The following LRRFIP2 variants were observed in gnomAD, a reference collection of about 807,000 sequenced individuals.
The protein encoded by LRRFIP2 is leucine-rich repeat flightless-interacting protein 2.
In LRRFIP2, 109 loss-of-function variants were observed where a neutral mutation model predicts 125.9. The observed-to-expected ratio is 0.87, with a 90% CI of 0.74 to 1.01. LRRFIP2 has a LOEUF of 1.01. LRRFIP2 is among the 50% of genes least tolerant of loss of function. The pLI, the probability that LRRFIP2 is intolerant of heterozygous loss-of-function variation, is 0.00. For synonymous variants in LRRFIP2, 291 were observed against 293.1 expected, an observed-to-expected ratio of 0.99 and a Z score of 0.07; for missense variants, 850 against 862.3, an observed-to-expected ratio of 0.99 and a Z score of 0.18.
At chr3:37,079,822 C>A (rs2092466223) in intron 19 of LRRFIP2, among the ~76,000 whole-genome samples, 1 of 152,040 alleles carries the variant, frequency 6.6e-6, no homozygotes. Context: ...AGAAGCCAGT[C>A]ACAAAAGACC....
intron 26 of LRRFIP2, 78 bp downstream of exon 26, chr3:37,055,008 C>T (rs1163064606): frequency 1.1e-6 from 1 of 891,192 alleles, no homozygotes; most frequent in East Asian, 2.6e-5. Context: ...CAAAGGCAAC[C>T]CAGGCACTCA....
intron 25 of LRRFIP2, among the ~76,000 whole-genome samples, chr3:37,057,584 T>A (rs1478028053): frequency 6.6e-6 from 1 of 151,702 alleles, no homozygotes. Flanking sequence ...CCCAGGCTGG[T>A]CTCAAACTTC....
intron 18 of LRRFIP2, among the ~76,000 whole-genome samples, chr3:37,085,506 G>A (rs1412897031): frequency 6.6e-6 from 1 of 151,322 alleles, no homozygotes; most frequent in Non-Finnish European, 1.5e-5. Flanking sequence ...GGGTAACAGA[G>A]TGAGACCATG....
At chr3:37,169,842 A>G (rs569309401) in intron 1 of LRRFIP2, among the ~76,000 whole-genome samples, 2 of 152,352 alleles carry the variant, frequency 1.3e-5, no homozygotes, top group African/African-American at 4.8e-5. Flanking sequence ...ATGATTCTTT[A>G]ATGAAGGTGT....
At chr3:37,162,182 AG>A (rs2096366537) in intron 1 of LRRFIP2, among the ~76,000 whole-genome samples, 1 of 146,120 alleles carries the variant, frequency 6.8e-6, no homozygotes, top group Non-Finnish European at 1.5e-5. Context: ...AAAAAAGAAG[AG>A]AGAGAGAGAG....
At chr3:37,073,587 T>C (rs2091607999) in intron 20 of LRRFIP2, among the ~76,000 whole-genome samples, 1 of 152,164 alleles carries the variant, frequency 6.6e-6, no homozygotes, top group South Asian at 2.1e-4. Flanking sequence ...ATTTGTAATA[T>C]TTAAAGTTTT....
rs2095043951 is a variant in LRRFIP2, at chr3:37,121,616, T to G, written c.285+19A>C. 2 of 1,614,034 alleles carry G rather than the reference T, an allele frequency of 1.2e-6. No individual in the cohort carries two copies. Among genetic ancestry groups the G allele is most frequent in the Admixed American group, 1.7e-5 (1 of 60,022 alleles). ...AATGAGGAAAAGTATTAGAGGCAAG[T>G]GTATAGGTTATTACAAACCAGATAA... On this transcript the variant is annotated intron_variant, in intron 5 of 27. Coordinates refer to ENST00000336686, the MANE Select transcript of LRRFIP2 (RefSeq NM_006309.4).
intron 2 of LRRFIP2, among the ~76,000 whole-genome samples, chr3:37,131,149 T>C (rs568288618): frequency 1.3e-5 from 2 of 152,248 alleles, no homozygotes; most frequent in East Asian, 3.9e-4. Context: ...CTCCCATGGA[T>C]TGGAGGGGTG....
chr3:37,159,004 T>A (rs781300233), intron 1 of LRRFIP2, among the ~76,000 whole-genome samples: 1 of 152,154 alleles, frequency 6.6e-6, no homozygotes, highest in Non-Finnish European at 1.5e-5. Flanking sequence ...TTTGAAGAAG[T>A]CCAATTTATC....
At chr3:37,056,891 A>C (rs570728818) in intron 25 of LRRFIP2, among the ~76,000 whole-genome samples, 16 of 152,294 alleles carry the variant, frequency 1.1e-4, no homozygotes, top group African/African-American at 3.6e-4. Flanking sequence ...TTGATTATCC[A>C]AATGTACTTC....
At chr3:37,130,207 C>T (rs752943033) in intron 2 of LRRFIP2, among the ~76,000 whole-genome samples, 25 of 152,196 alleles carry the variant, frequency 1.6e-4, no homozygotes, top group Admixed American at 1.3e-4. Flanking sequence ...ATTTCATATA[C>T]ATGGAATCAT....
intron 1 of LRRFIP2, among the ~76,000 whole-genome samples, chr3:37,161,179 T>TAAAAAAAAAAAAAAA (rs60688555): frequency 1.1e-5 from 1 of 88,142 alleles, no homozygotes; most frequent in African/African-American, 4.4e-5. Flanking sequence ...CCCCATCTAC[T>TAAAAAAAAAAAAAAA]AAAAAAAAAA....
At chr3:37,067,989 T>C (rs369818689) in intron 21 of LRRFIP2, 5 of 152,230 alleles carry the variant, frequency 3.3e-5, no homozygotes, top group Non-Finnish European at 7.3e-5. Context: ...ACTCTTTACT[T>C]ATCCAAACTG....
chr3:37,081,755 G>C (rs1284239588), intron 19 of LRRFIP2, among the ~76,000 whole-genome samples: 1 of 151,904 alleles, frequency 6.6e-6, no homozygotes, highest in Non-Finnish European at 1.5e-5. Flanking sequence ...AGGCGTGGTG[G>C]TACGTGCCTG....
Position 37,134,514 on chromosome 3 carries a change from G to A in LRRFIP2, c.91-5365C>T, listed in dbSNP as rs62244270. 7.2e-3 allele frequency: 2,576 copies of A among 359,430 alleles called. 24 individuals carry two copies. The highest frequency in any genetic ancestry group is 0.011 in the Non-Finnish European group (2,007 of 184,556). 22.3% of individuals were successfully genotyped at this position (359,430 alleles called of 1,614,324 possible). A position where few individuals can be genotyped will look rare whatever the true frequency, so the allele number is the denominator to read the frequency against. On this transcript the variant is annotated intron_variant, in intron 2 of 27. Coordinates refer to ENST00000336686, the MANE Select transcript of LRRFIP2 (RefSeq NM_006309.4). ...CAGCCACAAAGTTGTCATGAGAGTC[G>A]TCTCCACAATACCAAGAGCTTGTGT...
At chr3:37,152,329 C>A (rs2096057431) in intron 1 of LRRFIP2, among the ~76,000 whole-genome samples, 1 of 152,190 alleles carries the variant, frequency 6.6e-6, no homozygotes, top group African/African-American at 2.4e-5. Context: ...TAAAATACTA[C>A]ACAGTGGGTA....
intron 20 of LRRFIP2, among the ~76,000 whole-genome samples, chr3:37,074,551 C>T (rs7651033): frequency 0.35 from 53,411 of 152,030 alleles, 10,555 homozygotes; most frequent in Non-Finnish European, 0.45. Context: ...AGAGTCCCTT[C>T]GCTTGCAGAA....
intron 19 of LRRFIP2, among the ~76,000 whole-genome samples, chr3:37,077,194 T>C (rs1475494346): frequency 2.0e-5 from 3 of 152,198 alleles, no homozygotes; most frequent in Admixed American, 1.3e-4. Flanking sequence ...TCATCATAGA[T>C]ACATTGGCAA....
At chr3:37,115,873 C>T (rs558286417) in intron 6 of LRRFIP2, among the ~76,000 whole-genome samples, 135 of 152,194 alleles carry the variant, frequency 8.9e-4, no homozygotes, top group Non-Finnish European at 1.5e-3. Context: ...GGTTTTCACA[C>T]ATCGTTTCTT....
Sources: allele counts gnomAD v4.1 joint callset (sites outside exome capture counted in the v4.1 genomes callset), GRCh38; gene constraint gnomAD v4.1.1; transcripts MANE v1.5; gene names NCBI Gene and HGNC (gene_info 2026-07-23, HGNC 2026-07-21).